B3GAT2: variants seen among roughly 807,000 people sequenced by gnomAD.
B3GAT2 encodes the protein galactosylgalactosylxylosylprotein 3-beta-glucuronosyltransferase 2.
A neutral mutation model predicts 27.8 loss-of-function variants in B3GAT2; 26 were observed. The ratio of observed to expected loss-of-function variants is 0.93; its 90% CI spans 0.68 to 1.30. B3GAT2 has a LOEUF of 1.30. B3GAT2 is among the 50% of genes most tolerant of loss of function. The probability of loss-of-function intolerance (pLI) is 0.00; values close to 1 mark genes in which losing one functional copy is unlikely to be tolerated. For missense variants in B3GAT2, 458 were observed against 459.0 expected, an observed-to-expected ratio of 1.00 and a Z score of 0.02; for synonymous variants, 218 against 195.1, an observed-to-expected ratio of 1.12 and a Z score of -0.98.
At position 70,926,700 on chromosome 6, in the gene B3GAT2, T is replaced by C. The variant is rs551575226; in HGVS notation, c.591+29139A>G. Among the ~76,000 whole-genome samples, 19 of 152,350 alleles carry C rather than the reference T, an allele frequency of 1.2e-4. No individual in the cohort carries two copies. In the East Asian group the frequency reaches 2.7e-3, roughly 22 times the overall value. ...GTGAAAAGACCAAATCTACGTTTCA[T>C]TGGTGTACCTGAAAGTGACGGGGAG... On this transcript the variant is annotated intron_variant, in intron 1 of 3. Transcript: ENST00000230053.
At chr6:70,891,607 A>G (rs759368512) in intron 2 of B3GAT2, among the ~76,000 whole-genome samples, 4 of 152,168 alleles carry the variant, frequency 2.6e-5, no homozygotes, top group Non-Finnish European at 5.9e-5. Flanking sequence ...AGGGGCTTCT[A>G]CTGAATGTGC....
At position 70,858,296 on chromosome 6, in the gene B3GAT2, T is replaced by G; in HGVS notation, c.*3367A>C. ...GATTTATTTTCTAAATCTTTTTTTT[T>G]TTTTTTTTTTTTTTTTTTTAAGTCT... On this transcript the variant is annotated 3_prime_UTR_variant, in exon 4 of 4. Coordinates refer to ENST00000230053, the MANE Select transcript of B3GAT2 (RefSeq NM_080742.3). 11 of 1,217,820 alleles carry G rather than the reference T, an allele frequency of 9.0e-6. 1 individual carries two copies. In the South Asian group the frequency reaches 1.0e-4, roughly 11 times the overall value. The allele number at this position is 1,217,820 out of a possible 1,614,324, so 75.4% of individuals were successfully genotyped here.
chr6:70,900,546 G>A (rs1176967825), intron 1 of B3GAT2, among the ~76,000 whole-genome samples: 1 of 152,156 alleles, frequency 6.6e-6, no homozygotes, highest in Non-Finnish European at 1.5e-5. Context: ...GCCATGCCAG[G>A]ACAGCTTTTT....
intron 1 of B3GAT2, among the ~76,000 whole-genome samples, chr6:70,954,620 T>C (rs1399815078): frequency 6.6e-6 from 1 of 152,144 alleles, no homozygotes; most frequent in Non-Finnish European, 1.5e-5. Flanking sequence ...ATTTTAGCAG[T>C]TCAGTGTCCA....
intron 2 of B3GAT2, among the ~76,000 whole-genome samples, chr6:70,880,477 T>C (rs1772084205): frequency 6.6e-6 from 1 of 151,984 alleles, no homozygotes; most frequent in African/African-American, 2.4e-5. Context: ...AAAACTCAAG[T>C]ATTATAGGAA....
chr6:70,888,303 C>T (rs1399855030), intron 2 of B3GAT2, among the ~76,000 whole-genome samples: 2 of 151,856 alleles, frequency 1.3e-5, no homozygotes, highest in Non-Finnish European at 2.9e-5. Flanking sequence ...TTTTAATTAC[C>T]CAACATCACT....
At chr6:70,884,525 A>G (rs548724638) in intron 2 of B3GAT2, among the ~76,000 whole-genome samples, 1 of 152,294 alleles carries the variant, frequency 6.6e-6, no homozygotes, top group African/African-American at 2.4e-5. Flanking sequence ...CAAGGCGGCC[A>G]GGGGCAGGGA....
intron 2 of B3GAT2, among the ~76,000 whole-genome samples, chr6:70,873,188 C>CA (rs1293475587): frequency 6.6e-6 from 1 of 151,664 alleles, no homozygotes; most frequent in African/African-American, 2.4e-5. Context: ...TCCCGTCTAG[C>CA]ATCCTTTCAC....
At chr6:70,894,949 T>C (rs1772354003) in intron 1 of B3GAT2, among the ~76,000 whole-genome samples, 4 of 152,210 alleles carry the variant, frequency 2.6e-5, no homozygotes, top group African/African-American at 9.7e-5. Flanking sequence ...CTGGATTTCT[T>C]TAAGGGGAAA....
chr6:70,896,608 T>A (rs925516408), intron 1 of B3GAT2, among the ~76,000 whole-genome samples: 1 of 152,208 alleles, frequency 6.6e-6, no homozygotes, highest in Non-Finnish European at 1.5e-5. Flanking sequence ...TTAGTTTGCA[T>A]CCTCTAGAAT....
rs968502302 is a variant in B3GAT2, at chr6:70,923,077, T to C, written c.592-28805A>G. Among the ~76,000 whole-genome samples the C allele has an allele frequency of 1.4e-4, 21 of 152,186 alleles. 1 individual carries two copies. Among genetic ancestry groups the C allele is most frequent in the Admixed American group, 1.3e-4 (2 of 15,284 alleles). ...ACTATGGTTCTGCTACATAAATAAG[T>C]ACCATATAAGTGTCTTCTGTCATCA... On this transcript the variant is annotated intron_variant, in intron 1 of 3. Coordinates refer to ENST00000230053, the MANE Select transcript of B3GAT2 (RefSeq NM_080742.3).
At chr6:70,937,550 C>A (rs1765312822) in intron 1 of B3GAT2, among the ~76,000 whole-genome samples, 1 of 152,160 alleles carries the variant, frequency 6.6e-6, no homozygotes, top group Admixed American at 6.5e-5. Context: ...AAAGCTTATT[C>A]ACCATGATCA....
intron 2 of B3GAT2, among the ~76,000 whole-genome samples, chr6:70,876,588 A>G (rs1772018755): frequency 6.6e-6 from 1 of 152,236 alleles, no homozygotes; most frequent in Non-Finnish European, 1.5e-5. Flanking sequence ...GTAAACAAAT[A>G]TTTACCTGGA....
At chr6:70,939,575 T>C (rs1457823284) in intron 1 of B3GAT2, among the ~76,000 whole-genome samples, 3 of 151,674 alleles carry the variant, frequency 2.0e-5, no homozygotes, top group Admixed American at 1.3e-4. Context: ...CCATAAAAAA[T>C]GATGAGTTCA....
rs377591905 is a variant in B3GAT2, at chr6:70,882,298, C to A, written c.736+11830G>T. On this transcript the variant is annotated intron_variant, in intron 2 of 3. Transcript: ENST00000230053. ...GGGCAGATCACGAGGTCAGGAGATCCAGACCATACTGGCTAACATGGTGAA... is the reference window on the plus strand; with the variant it reads ...GGGCAGATCACGAGGTCAGGAGATCAAGACCATACTGGCTAACATGGTGAA... Among the ~76,000 whole-genome samples, 4 of 152,076 alleles carry A rather than the reference C, an allele frequency of 2.6e-5. No individual in the cohort carries two copies. The East Asian group carries it at 5.8e-4, about 22-fold the overall frequency.
At chr6:70,897,110 A>G (rs539127220) in intron 1 of B3GAT2, among the ~76,000 whole-genome samples, 1 of 152,290 alleles carries the variant, frequency 6.6e-6, no homozygotes, top group African/African-American at 2.4e-5. Flanking sequence ...TCTAATACAT[A>G]CTACTAATAG....
chr6:70,943,502 T>A (rs1765424994), intron 1 of B3GAT2, among the ~76,000 whole-genome samples: 1 of 152,228 alleles, frequency 6.6e-6, no homozygotes, highest in South Asian at 2.1e-4. Flanking sequence ...TCTCCCATTC[T>A]ACCCTGAAAA....
chr6:70,859,474 T>C lies in B3GAT2; in HGVS notation c.*2189A>G, dbSNP rs1476570664. 9.0e-7 allele frequency: 1 copy of C among 1,111,846 alleles called. No homozygotes were observed. Among genetic ancestry groups the C allele is most frequent in the Non-Finnish European group, 1.3e-6 (1 of 774,396 alleles). 68.9% of individuals were successfully genotyped at this position (1,111,846 alleles called of 1,614,324 possible). A position where few individuals can be genotyped will look rare whatever the true frequency, so the allele number is the denominator to read the frequency against. ...TATGCCTGATTAGTGATGTAGTTTA[T>C]GTTAGTGTCTTTGAAACTGTAAATA... On this transcript the variant is annotated 3_prime_UTR_variant, in exon 4 of 4. Transcript: ENST00000230053.
rs1051636550 is a variant in B3GAT2 at position 70,861,014 on chromosome 6, T to C, written c.*649A>G. 7 of 278,564 alleles carry C rather than the reference T, an allele frequency of 2.5e-5. No individual in the cohort carries two copies. The highest frequency in any genetic ancestry group is 1.1e-4 in the African/African-American group (5 of 46,142). 17.3% of individuals were successfully genotyped at this position (278,564 alleles called of 1,614,324 possible). On this transcript the variant is annotated 3_prime_UTR_variant, in exon 4 of 4. Coordinates refer to ENST00000230053, the MANE Select transcript of B3GAT2 (RefSeq NM_080742.3). ...CTAACATGAAGACCTTTTTCTGCAC[T>C]ATATGCAAACAGGGTAACTAACTAA...
Sources: gnomAD v4.1 joint callset for allele counts (sites outside exome capture counted in the v4.1 genomes callset) on GRCh38, gnomAD v4.1.1 for gene constraint, MANE v1.5 for transcripts, NCBI Gene and HGNC (gene_info 2026-07-23, HGNC 2026-07-21) for gene names.